CD38: variants seen among roughly 807,000 people sequenced by gnomAD.
The protein encoded by CD38 is CD38 molecule.
In CD38, 31 loss-of-function variants were observed where a neutral mutation model predicts 36.3. The ratio of observed to expected loss-of-function variants is 0.85; its 90% confidence interval spans 0.64 to 1.15. The LOEUF (loss-of-function observed/expected upper bound fraction) is 1.15, where lower values mean the gene tolerates loss of function less well. Ranked by LOEUF, CD38 falls within the 50% of genes most tolerant of loss-of-function variation. The pLI is 0.00. For missense variants in CD38, 380 were observed against 371.9 expected, an observed-to-expected ratio of 1.02 and a Z score of -0.18; for synonymous variants, 131 against 135.2, an observed-to-expected ratio of 0.97 and a Z score of 0.22.
Position 15,837,984 on chromosome 4 carries a change from T to A in CD38, c.586-108T>A, listed in dbSNP as rs1724106791. The A allele has an allele frequency of 4.8e-6, 4 of 840,520 alleles. No individual in the cohort carries two copies. In the Admixed American group the frequency reaches 6.5e-5, roughly 14 times the overall value. 52.1% of individuals were successfully genotyped at this position (840,520 alleles called of 1,614,324 possible). The stretch of plus-strand genomic sequence containing the variant: ...CTGACATTCCTGGGCTAAAACCATA[T>A]GGGATATCCTTCCTTAACCAGCTAT... On this transcript the variant is annotated intron_variant, in intron 4 of 7. Transcript: ENST00000226279.
chr4:15,834,672 G>C (rs1724029186), intron 4 of CD38, among the ~76,000 whole-genome samples: 2 of 152,180 alleles, frequency 1.3e-5, no homozygotes, highest in Admixed American at 1.3e-4. Flanking sequence ...ACGGTCCTCA[G>C]ATCTTTACAT....
chr4:15,790,173 C>T (rs1577635157), intron 1 of CD38, among the ~76,000 whole-genome samples: 1 of 46,116 alleles, frequency 2.2e-5, no homozygotes, highest in South Asian at 6.6e-4. Context: ...CTCCCTCCCC[C>T]TCCCCCTCCC....
chr4:15,785,649 G>A (rs1722799990), intron 1 of CD38, among the ~76,000 whole-genome samples: 1 of 152,020 alleles, frequency 6.6e-6, no homozygotes, highest in Admixed American at 6.5e-5. Context: ...ATATTTTGGA[G>A]GGAAAAAAGT....
rs1724418936 is a variant in CD38, at chr4:15,852,817, T to A, written c.*4215T>A. The A allele has an allele frequency of 6.7e-6, 1 of 148,594 alleles. No individual in the cohort carries two copies. The highest frequency in any genetic ancestry group is 2.5e-5 in the African/African-American group (1 of 40,140). The allele number at this position is 148,594 out of a possible 1,614,324, so 9.2% of individuals were successfully genotyped here. A position where few individuals can be genotyped will look rare whatever the true frequency, so the allele number is the denominator to read the frequency against. ...CTAACGGGGCATTTATTCTTTTTTT[T>A]TTTTTTTTTTGGGAGACGGAGTCTC... is the stretch of plus-strand genomic sequence containing the variant. On this transcript the variant is annotated 3_prime_UTR_variant, in exon 8 of 8. Transcript: ENST00000226279.
intron 1 of CD38, among the ~76,000 whole-genome samples, chr4:15,793,786 A>G (rs979562602): frequency 2.6e-5 from 4 of 152,236 alleles, no homozygotes; most frequent in Non-Finnish European, 5.9e-5. Flanking sequence ...GATTCTGGAT[A>G]TGTTTTGAAA....
In CD38 at chr4:15,799,373, G is replaced by A. The variant is rs867470177; in HGVS notation, c.234-17138G>A. On this transcript the variant is annotated intron_variant, in intron 1 of 7. Transcript: ENST00000226279. Reference sequence around the variant, plus strand: ...CAATCTGTTTTATGGTCTGTTTGTCGCTATACCACTGCCACGTTGTTTAAA... The same window carrying A: ...CAATCTGTTTTATGGTCTGTTTGTCACTATACCACTGCCACGTTGTTTAAA... Among the ~76,000 whole-genome samples, 3 of 152,052 alleles carry A rather than the reference G, an allele frequency of 2.0e-5. No homozygotes were observed. The South Asian group carries it at 6.2e-4, about 32-fold the overall frequency.
intron 1 of CD38, among the ~76,000 whole-genome samples, chr4:15,793,516 C>T (rs986444486): frequency 7.2e-5 from 11 of 151,866 alleles, no homozygotes; most frequent in South Asian, 2.1e-4. Flanking sequence ...GCTAATGAAA[C>T]GTCTACTGAA....
chr4:15,817,498 A>C (rs1434094878), intron 2 of CD38, among the ~76,000 whole-genome samples: 5 of 152,228 alleles, frequency 3.3e-5, no homozygotes, highest in Non-Finnish European at 5.9e-5. Context: ...CCAGGCTGAC[A>C]TTTGTCAAAT....
intron 2 of CD38, among the ~76,000 whole-genome samples, chr4:15,822,444 G>C (rs4516711): frequency 0.4 from 61,224 of 151,926 alleles, 14,120 homozygotes; most frequent in African/African-American, 0.64. Flanking sequence ...TAGAAAACCG[G>C]ATCATCTCAG....
intron 1 of CD38, among the ~76,000 whole-genome samples, chr4:15,797,952 C>T (rs990952629): frequency 2.0e-5 from 3 of 152,070 alleles, no homozygotes; most frequent in African/African-American, 7.2e-5. Flanking sequence ...ATTTCAACAT[C>T]GTTTGGGGGG....
intron 1 of CD38, among the ~76,000 whole-genome samples, chr4:15,792,327 C>A (rs1723017341): frequency 8.1e-6 from 1 of 123,568 alleles, no homozygotes; most frequent in Non-Finnish European, 1.6e-5. Flanking sequence ...AACCAGAGAC[C>A]TTTGTTCACT....
rs534052614 is a variant in CD38 at position 15,829,505 on chromosome 4, A to G, written c.499+4489A>G. On this transcript the variant is annotated intron_variant, in intron 3 of 7. Coordinates refer to ENST00000226279, the MANE Select transcript of CD38 (RefSeq NM_001775.4). Reference sequence around the variant, plus strand: ...ATGATAGCTGATGGGCTGAAAAAAAATCGCAAAAAATCTCCTAATTTCTAA... The same window carrying G: ...ATGATAGCTGATGGGCTGAAAAAAAGTCGCAAAAAATCTCCTAATTTCTAA... Among the ~76,000 whole-genome samples, 5 of 152,330 alleles carry G rather than the reference A, an allele frequency of 3.3e-5. No homozygotes were observed. The East Asian group carries it at 9.6e-4, about 29-fold the overall frequency.
At chr4:15,795,572 A>G (rs979315377) in intron 1 of CD38, among the ~76,000 whole-genome samples, 113 of 152,270 alleles carry the variant, frequency 7.4e-4, no homozygotes, top group African/African-American at 2.7e-3. Context: ...TAAGCCCCCA[A>G]GTAGAATTCT....
rs781283696 is a variant in CD38, at chr4:15,824,864, T to C, written c.364-17T>C. ...CTAAATTGATCTCAGTAATAGATTG[T>C]ATTTATTCTTCCTTAGATTCTTCTT... On this transcript the variant is annotated splice_polypyrimidine_tract_variant and intron_variant, in intron 2 of 7. Coordinates refer to ENST00000226279, the MANE Select transcript of CD38 (RefSeq NM_001775.4). 6.2e-7 allele frequency: 1 copy of C among 1,605,398 alleles called. No homozygotes were observed. Among genetic ancestry groups the C allele is most frequent in the Admixed American group, 1.7e-5 (1 of 59,756 alleles).
chr4:15,783,015 T>C (rs1242140510), intron 1 of CD38, among the ~76,000 whole-genome samples: 1 of 152,194 alleles, frequency 6.6e-6, no homozygotes, highest in Admixed American at 6.5e-5. Context: ...GTTCTTTGAG[T>C]TGAACCAGGG....
chr4:15,825,134 C>T, intron 3 of CD38, 118 bp downstream of exon 3: 1 of 905,030 alleles, frequency 1.1e-6, no homozygotes, highest in South Asian at 1.7e-5. Flanking sequence ...CATCCTGATG[C>T]CATCTATACT....
chr4:15,800,638 T>C (rs1393645286), intron 1 of CD38, among the ~76,000 whole-genome samples: 1 of 152,118 alleles, frequency 6.6e-6, no homozygotes, highest in African/African-American at 2.4e-5. Flanking sequence ...TTTTGTTTTG[T>C]ACAAATACTT....
intron 1 of CD38, among the ~76,000 whole-genome samples, chr4:15,803,776 TG>T (rs1723278546): frequency 6.6e-6 from 1 of 152,162 alleles, no homozygotes; most frequent in South Asian, 2.1e-4. Context: ...GTACCCAATA[TG>T]TGGTTTTGCA....
At position 15,814,962 on chromosome 4, in the gene CD38, G is replaced by A. The variant is rs545314378; in HGVS notation, c.234-1549G>A. Among the ~76,000 whole-genome samples the A allele has an allele frequency of 9.2e-5, 14 of 151,790 alleles. No individual in the cohort carries two copies. The East Asian group carries it at 9.7e-4, about 11-fold the overall frequency. On this transcript the variant is annotated intron_variant, in intron 1 of 7. Transcript: ENST00000226279. ...GCTGGGATTACAGGCATGTATCACC[G>A]CGCCTGGCTAATTTTTGTATTTTTA...
Sources: gnomAD v4.1 joint callset for allele counts (sites outside exome capture counted in the v4.1 genomes callset) on GRCh38, gnomAD v4.1.1 for gene constraint, MANE v1.5 for transcripts, NCBI Gene and HGNC (gene_info 2026-07-23, HGNC 2026-07-21) for gene names.